Variants in NRCAM observed in about 807,000 individuals in gnomAD.
NRCAM encodes the protein neuronal cell adhesion molecule.
A neutral mutation model predicts 156.5 loss-of-function variants in NRCAM; 83 were observed. The observed-to-expected ratio is 0.53, with a 90% confidence interval of 0.44 to 0.64. The LOEUF (loss-of-function observed/expected upper bound fraction) is 0.64, where lower values mean the gene tolerates loss of function less well. NRCAM is among the 30% of genes least tolerant of loss of function. NRCAM has a pLI of 0.00. For synonymous variants in NRCAM, 538 were observed against 563.9 expected, an observed-to-expected ratio of 0.95 and a Z score of 0.65; for missense variants, 1,417 against 1,597.3, an observed-to-expected ratio of 0.89 and a Z score of 1.92.
intron 24 of NRCAM, among the ~76,000 whole-genome samples, 194 bp downstream of exon 24, chr7:108,181,628 T>TTA (rs1459525546): frequency 4.8e-4 from 73 of 151,668 alleles, no homozygotes; most frequent in Non-Finnish European, 2.8e-4. Flanking sequence ...TTTTTTTTTT[T>TTA]AATTTTGGAT....
At chr7:108,166,537 C>A (rs1382012031) in intron 30 of NRCAM, among the ~76,000 whole-genome samples, 1 of 152,126 alleles carries the variant, frequency 6.6e-6, no homozygotes, top group South Asian at 2.1e-4. Flanking sequence ...CGTGAGCTAC[C>A]GCGCCCGGCC....
At chr7:108,213,079 G>A (rs1029772543) in intron 11 of NRCAM, among the ~76,000 whole-genome samples, 4 of 152,138 alleles carry the variant, frequency 2.6e-5, no homozygotes, top group Admixed American at 2.0e-4. Flanking sequence ...GAAGGGATTG[G>A]GGCCCTATCT....
intron 3 of NRCAM, among the ~76,000 whole-genome samples, chr7:108,306,413 T>C (rs1213798493): frequency 6.6e-6 from 1 of 152,192 alleles, no homozygotes; most frequent in Non-Finnish European, 1.5e-5. Flanking sequence ...TAAAATACTA[T>C]AGTGTGAGCC....
Position 108,232,383 on chromosome 7 carries a change from T to C in NRCAM, c.370A>G (p.Thr124Ala), listed in dbSNP as rs371579872. The C allele has an allele frequency of 7.4e-6, 12 of 1,613,360 alleles. No homozygotes were observed. Among genetic ancestry groups the C allele is most frequent in the Admixed American group, 1.7e-5 (1 of 59,928 alleles). ...GCAGCTCCGCGTTCGTTCCTTGCTG[T>C]ACACTGATAGACTCCTTCATAGGTC... ...AETYEGVYQC[T>A]ARNERGAAVS... Residue 124 changes from threonine (T) to alanine (A), a missense_variant, in exon 7 of 33, where the codon ACA (threonine) becomes GCA (alanine). This residue lies in a region of NRCAM where 1,238 missense variants were observed against 1,336.4 expected (regional missense o/e 0.93). Transcript: ENST00000379028.
chr7:108,455,142 G>C (rs891515870), intron 1 of NRCAM, among the ~76,000 whole-genome samples: 1 of 152,122 alleles, frequency 6.6e-6, no homozygotes, highest in African/African-American at 2.4e-5. Flanking sequence ...CAGCGCTTGC[G>C]GCCCTGAGGA....
chr7:108,282,617 G>A (rs2097903630), intron 3 of NRCAM, among the ~76,000 whole-genome samples: 1 of 152,130 alleles, frequency 6.6e-6, no homozygotes, highest in Non-Finnish European at 1.5e-5. Context: ...ACTGGCCAAA[G>A]CAACCCATTT....
intron 3 of NRCAM, among the ~76,000 whole-genome samples, chr7:108,268,633 GGTT>G (rs1474977227): frequency 1.6e-3 from 161 of 100,548 alleles, no homozygotes; most frequent in African/African-American, 5.8e-3. Context: ...GGTGGGGGGG[GGTT>G]GGGGGGGGCG....
At chr7:108,332,132 A>G (rs986347370) in intron 2 of NRCAM, among the ~76,000 whole-genome samples, 9 of 152,194 alleles carry the variant, frequency 5.9e-5, no homozygotes, top group African/African-American at 1.9e-4. Context: ...TCATTTGAGG[A>G]AAGTGCCACA....
intron 28 of NRCAM, among the ~76,000 whole-genome samples, chr7:108,174,871 A>G (rs1427499405): frequency 6.6e-6 from 1 of 152,240 alleles, no homozygotes; most frequent in Admixed American, 6.5e-5. Flanking sequence ...GTTTTGTGCA[A>G]TGGCAGCCGA....
intron 1 of NRCAM, among the ~76,000 whole-genome samples, chr7:108,430,977 C>G (rs1439691070): frequency 6.6e-6 from 1 of 152,186 alleles, no homozygotes; most frequent in African/African-American, 2.4e-5. Context: ...GTGCATGGAT[C>G]ATTGAGGTGT....
At chr7:108,339,721 T>C (rs2099252732) in intron 2 of NRCAM, among the ~76,000 whole-genome samples, 1 of 152,160 alleles carries the variant, frequency 6.6e-6, no homozygotes, top group South Asian at 2.1e-4. Flanking sequence ...GAATAAGCAT[T>C]AGGACCATAG....
intron 2 of NRCAM, among the ~76,000 whole-genome samples, chr7:108,360,079 C>T (rs1157279373): frequency 6.6e-6 from 1 of 152,166 alleles, no homozygotes; most frequent in Non-Finnish European, 1.5e-5. Flanking sequence ...GATGATTAAT[C>T]TGCTCTATTG....
chr7:108,246,759 G>A (rs2095958451), intron 3 of NRCAM, among the ~76,000 whole-genome samples: 2 of 152,188 alleles, frequency 1.3e-5, no homozygotes, highest in Non-Finnish European at 2.9e-5. Flanking sequence ...ACATCTTCCT[G>A]TCCTTCTCCA....
At chr7:108,391,228 A>T (rs535982782) in intron 2 of NRCAM, among the ~76,000 whole-genome samples, 69 of 151,668 alleles carry the variant, frequency 4.5e-4, no homozygotes, top group African/African-American at 1.6e-3. Flanking sequence ...GTAGGTCACT[A>T]AGGACTTGCT....
chr7:108,326,889 A>G (rs1164815780), intron 2 of NRCAM, among the ~76,000 whole-genome samples: 1 of 152,182 alleles, frequency 6.6e-6, no homozygotes, highest in Non-Finnish European at 1.5e-5. Flanking sequence ...ACCTTTTTCA[A>G]GGAGAGAAAA....
chr7:108,256,992 A>G (rs908951712), intron 3 of NRCAM, among the ~76,000 whole-genome samples: 9 of 145,488 alleles, frequency 6.2e-5, no homozygotes, highest in African/African-American at 2.3e-4. Context: ...CTGGGTGGCA[A>G]AGGAAGACTG....
chr7:108,168,412 C>G lies in NRCAM; in HGVS notation c.3188-10G>C. The G allele has an allele frequency of 5.7e-6, 9 of 1,585,434 alleles. No individual in the cohort carries two copies. The highest frequency in any genetic ancestry group is 7.7e-6 in the Non-Finnish European group (9 of 1,170,170). ...GGATTTACTGCTTGAACTAAACATA[C>G]AATAGAAAAATAAAACAAACAATCA... On this transcript the variant is annotated splice_polypyrimidine_tract_variant and intron_variant, in intron 28 of 32. Transcript: ENST00000379028.
At chr7:108,338,578 C>CAGAGAGAGGGAG (rs2099234566) in intron 2 of NRCAM, among the ~76,000 whole-genome samples, 1 of 148,250 alleles carries the variant, frequency 6.7e-6, no homozygotes, top group African/African-American at 2.5e-5. Flanking sequence ...GAGTGAGACA[C>CAGAGAGAGGGAG]AGAGAGAGGG....
At chr7:108,191,620 C>A (rs2071601614) in intron 18 of NRCAM, 109 bp downstream of exon 18, 1 of 1,308,052 alleles carries the variant, frequency 7.6e-7, no homozygotes, top group African/African-American at 1.5e-5. Context: ...TATGAACTCA[C>A]CCATGCATAT....
Sources: gnomAD v4.1 joint callset for allele counts (sites outside exome capture counted in the v4.1 genomes callset) on GRCh38, gnomAD v4.1.1 for gene constraint, gnomAD v4.1.1 regional missense constraint, MANE v1.5 for transcripts, NCBI Gene and HGNC (gene_info 2026-07-23, HGNC 2026-07-21) for gene names.